The following SNX7 variants were observed in gnomAD, a reference collection of about 807,000 sequenced individuals.
The protein encoded by SNX7 is sorting nexin-7.
SNX7 carries 35 observed loss-of-function variants against 48.4 expected under a neutral mutation model. The ratio of observed to expected loss-of-function variants is 0.72; its 90% CI spans 0.55 to 0.96. The LOEUF (loss-of-function observed/expected upper bound fraction) is 0.96, where lower values mean the gene tolerates loss of function less well. Among genes scored for constraint, SNX7 ranks in the 40% least tolerant of loss-of-function variants. SNX7 has a pLI of 0.00. For missense variants in SNX7, 553 were observed against 548.9 expected, an observed-to-expected ratio of 1.01 and a Z score of -0.07; for synonymous variants, 190 against 190.2, an observed-to-expected ratio of 1.00 and a Z score of 0.01.
chr1:98,697,055 A>ACCC (rs1475564685), intron 5 of SNX7, among the ~76,000 whole-genome samples: 2 of 152,124 alleles, frequency 1.3e-5, no homozygotes. Context: ...ATAAACATAA[A>ACCC]TATTGTTCAG....
At chr1:98,685,561 A>G (rs1487412076) in intron 2 of SNX7, among the ~76,000 whole-genome samples, 1 of 152,160 alleles carries the variant, frequency 6.6e-6, no homozygotes. Context: ...TAGAACACAG[A>G]TCTCTTTAAT....
chr1:98,728,523 A>G (rs1200630086), intron 7 of SNX7, among the ~76,000 whole-genome samples: 1 of 152,256 alleles, frequency 6.6e-6, no homozygotes, highest in Non-Finnish European at 1.5e-5. Flanking sequence ...CAAAGAGTCA[A>G]GATCCATTAG....
intron 8 of SNX7, among the ~76,000 whole-genome samples, chr1:98,739,106 C>G (rs752924572): frequency 1.5e-4 from 23 of 152,216 alleles, no homozygotes; most frequent in African/African-American, 5.5e-4. Context: ...TGAAACTGCT[C>G]TACCTCAGAT....
chr1:98,747,979 T>G (rs1402079324), intron 8 of SNX7, among the ~76,000 whole-genome samples: 1 of 12,288 alleles, frequency 8.1e-5, no homozygotes, highest in African/African-American at 1.7e-4. Flanking sequence ...AGGTTTTTAC[T>G]TTTTTTTTTT....
chr1:98,668,099 G>T (rs1016173367), intron 1 of SNX7, among the ~76,000 whole-genome samples: 2 of 152,106 alleles, frequency 1.3e-5, no homozygotes, highest in African/African-American at 4.8e-5. Flanking sequence ...TAGAAAGAAG[G>T]TGAAAAGCTC....
intron 7 of SNX7, among the ~76,000 whole-genome samples, chr1:98,730,109 G>A (rs9730309): frequency 0.29 from 43,716 of 151,962 alleles, 6,816 homozygotes; most frequent in Non-Finnish European, 0.34. Context: ...TTCAACATAT[G>A]CAAATCAATA....
In SNX7 at chr1:98,663,252, G is replaced by GTTTTTTTTTTT. The variant is rs1491348958; in HGVS notation, c.180+1341_180+1342insTTTTTTTTTTT. Among the ~76,000 whole-genome samples, 24 of 83,158 alleles carry GTTTTTTTTTTT rather than the reference G, an allele frequency of 2.9e-4. 10 individuals are homozygous for GTTTTTTTTTTT. Among genetic ancestry groups the GTTTTTTTTTTT allele is most frequent in the African/African-American group, 5.5e-4 (10 of 18,292 alleles). 54.6% of individuals were successfully genotyped at this position (83,158 alleles called of 152,430 possible). A position where few individuals can be genotyped will look rare whatever the true frequency, so the allele number is the denominator to read the frequency against. On this transcript the variant is annotated intron_variant, in intron 1 of 8. Transcript: ENST00000306121. ...ATCAGAATCATCAGGGTTTCTTTCT[G>GTTTTTTTTTTT]GTTTTTTTTTTTTTTTTTTTTTTTT...
intron 7 of SNX7, among the ~76,000 whole-genome samples, chr1:98,725,149 C>T (rs192486782): frequency 3.3e-5 from 5 of 152,240 alleles, no homozygotes; most frequent in Admixed American, 2.6e-4. Flanking sequence ...TGTTTTAAAT[C>T]TTGTGTGAAT....
chr1:98,722,807 A>C (rs934053705), intron 7 of SNX7, among the ~76,000 whole-genome samples: 10 of 152,134 alleles, frequency 6.6e-5, no homozygotes, highest in Admixed American at 5.9e-4. Flanking sequence ...ATTTTTAAGT[A>C]AGAATAACTA....
At chr1:98,752,532 A>T (rs1654638508) in intron 8 of SNX7, among the ~76,000 whole-genome samples, 1 of 152,026 alleles carries the variant, frequency 6.6e-6, no homozygotes, top group Admixed American at 6.6e-5. Flanking sequence ...AGCAACATGA[A>T]TGGGGATCGG....
intron 1 of SNX7, among the ~76,000 whole-genome samples, chr1:98,680,481 C>T (rs1299213482): frequency 6.6e-6 from 1 of 152,162 alleles, no homozygotes; most frequent in Admixed American, 6.5e-5. Context: ...TTGAATTTCT[C>T]CTCAGAAAAT....
chr1:98,696,984 G>A (rs1253013739), intron 5 of SNX7, among the ~76,000 whole-genome samples: 1 of 152,050 alleles, frequency 6.6e-6, no homozygotes, highest in East Asian at 1.9e-4. Context: ...CTAAATGTTT[G>A]CATACAGATT....
chr1:98,691,753 A>T, intron 4 of SNX7, 54 bp downstream of exon 4: 1 of 1,362,412 alleles, frequency 7.3e-7, no homozygotes, highest in Non-Finnish European at 9.8e-7. Context: ...TATCTATAGT[A>T]GATTGTATTG....
chr1:98,729,496 A>AT lies in SNX7; in HGVS notation c.1126-8731dup, dbSNP rs36054593. On this transcript the variant is annotated intron_variant, in intron 7 of 8. Transcript: ENST00000306121. The stretch of plus-strand genomic sequence containing the variant: ...AAAAAATCAGTGAATCCAGGAGCTG[A>AT]TTTTTTTTTTGAAAAATTAATATTA... Among the ~76,000 whole-genome samples the AT allele has an allele frequency of 5.3e-3, 783 of 149,098 alleles. 1 individual carries two copies. Among genetic ancestry groups the AT allele is most frequent in the East Asian group, 9.3e-3 (47 of 5,072 alleles).
chr1:98,729,350 G>A (rs967280951), intron 7 of SNX7, among the ~76,000 whole-genome samples: 4 of 152,064 alleles, frequency 2.6e-5, no homozygotes, highest in East Asian at 3.9e-4. Context: ...AGTCAAAAAC[G>A]TAGCATCTCA....
chr1:98,691,755 A>G, intron 4 of SNX7, 56 bp downstream of exon 4: 1 of 1,350,420 alleles, frequency 7.4e-7, no homozygotes, highest in Non-Finnish European at 9.9e-7. Flanking sequence ...TCTATAGTAG[A>G]TTGTATTGTT....
intron 1 of SNX7, among the ~76,000 whole-genome samples, chr1:98,679,372 T>G (rs1055335498): frequency 6.6e-6 from 1 of 152,114 alleles, no homozygotes; most frequent in Admixed American, 6.5e-5. Context: ...AAGATGAGAT[T>G]TGAGTGGGGA....
At chr1:98,680,869 C>T (rs557869768) in intron 1 of SNX7, among the ~76,000 whole-genome samples, 1 of 152,316 alleles carries the variant, frequency 6.6e-6, no homozygotes, top group Admixed American at 6.5e-5. Flanking sequence ...CCCACATTTT[C>T]CTGTCTTCAT....
At chr1:98,675,667 G>A (rs1213143266) in intron 1 of SNX7, among the ~76,000 whole-genome samples, 9 of 152,268 alleles carry the variant, frequency 5.9e-5, no homozygotes, top group Admixed American at 1.3e-4. Context: ...TACAAAGTAC[G>A]TTTGCCCACC....
Sources: allele counts gnomAD v4.1 joint callset (sites outside exome capture counted in the v4.1 genomes callset), GRCh38; gene constraint gnomAD v4.1.1; transcripts MANE v1.5; gene names NCBI Gene and HGNC (gene_info 2026-07-23, HGNC 2026-07-21).